Variants in GLRB observed in about 807,000 individuals in gnomAD.
The protein encoded by GLRB is glycine receptor subunit beta.
A neutral mutation model predicts 54.2 loss-of-function variants in GLRB; 33 were observed. The observed-to-expected ratio is 0.61, with a 90% CI of 0.46 to 0.81. The LOEUF (loss-of-function observed/expected upper bound fraction) is 0.81. GLRB is among the 40% of genes least tolerant of loss of function. The pLI, the probability that GLRB is intolerant of heterozygous loss-of-function variation, is 0.00. For synonymous variants in GLRB, 209 were observed against 208.2 expected (o/e 1.00, Z -0.03); for missense variants, 572 against 584.6 (o/e 0.98, Z 0.22).
chr4:157,159,308 T>C (rs897644342), intron 9 of GLRB, among the ~76,000 whole-genome samples: 1 of 152,156 alleles, frequency 6.6e-6, no homozygotes, highest in Admixed American at 6.5e-5. Flanking sequence ...CTTTTCCTAA[T>C]TGAATACCTT....
intron 2 of GLRB, among the ~76,000 whole-genome samples, chr4:157,118,181 T>C (rs1394777610): frequency 6.6e-6 from 1 of 151,690 alleles, no homozygotes; most frequent in East Asian, 1.9e-4. Flanking sequence ...GTTAATTGTC[T>C]TCATGTTGTC....
At position 157,136,623 on chromosome 4, in the gene GLRB, C is replaced by T; in HGVS notation, c.452C>T (p.Ala151Val). Residue 151 changes from alanine (A) to valine (V), a missense_variant, in exon 5 of 10, where the codon GCC (alanine) becomes GTC (valine). Ala to Val is a moderately conservative substitution (Grantham distance 64, BLOSUM62 0). Transcript: ENST00000264428. ...TTATTTTTTGCAAATGAAAAAAGTG[C>T]CAATTTTCATGATGTGACCCAGGAA... ...PDLFFANEKS[A>V]NFHDVTQENI... 6.2e-7 allele frequency: 1 copy of T among 1,612,780 alleles called. No homozygotes were observed. The highest frequency in any genetic ancestry group is 2.2e-5 in the East Asian group (1 of 44,824).
intron 9 of GLRB, among the ~76,000 whole-genome samples, chr4:157,160,422 G>A (rs1737434061): frequency 6.6e-6 from 1 of 152,050 alleles, no homozygotes; most frequent in Non-Finnish European, 1.5e-5. Flanking sequence ...TAACTGTGAT[G>A]TTAGGGTGTC....
chr4:157,077,558 A>G (rs1041541609), intron 1 of GLRB, among the ~76,000 whole-genome samples: 3 of 152,104 alleles, frequency 2.0e-5, no homozygotes, highest in African/African-American at 7.2e-5. Flanking sequence ...TTCAAACAAT[A>G]TAAAAATTTA....
intron 2 of GLRB, among the ~76,000 whole-genome samples, chr4:157,091,932 A>G (rs557106285): frequency 5.9e-5 from 9 of 152,268 alleles, no homozygotes; most frequent in African/African-American, 1.9e-4. Flanking sequence ...CAACTACTCT[A>G]TGAACTCCCT....
chr4:157,120,738 T>A, intron 3 of GLRB, 76 bp downstream of exon 3: 1 of 727,424 alleles, frequency 1.4e-6, no homozygotes, highest in Admixed American at 2.0e-5. Flanking sequence ...TTGTGATATT[T>A]TATATGTATA....
intron 2 of GLRB, among the ~76,000 whole-genome samples, chr4:157,112,090 C>T (rs78730224): frequency 6.6e-6 from 1 of 150,628 alleles, no homozygotes; most frequent in Non-Finnish European, 1.5e-5. Flanking sequence ...TTTTTTTTAA[C>T]CATAAACTCT....
At chr4:157,161,904 T>G (rs548297669) in intron 9 of GLRB, among the ~76,000 whole-genome samples, 10 of 152,358 alleles carry the variant, frequency 6.6e-5, no homozygotes, top group African/African-American at 2.4e-4. Context: ...GAAGTTCTCC[T>G]GGATAATATC....
chr4:157,147,498 C>T (rs1251137304), intron 8 of GLRB, among the ~76,000 whole-genome samples: 4 of 151,966 alleles, frequency 2.6e-5, no homozygotes, highest in Non-Finnish European at 5.9e-5. Context: ...GTATACATAA[C>T]TCATTGGAGG....
intron 2 of GLRB, among the ~76,000 whole-genome samples, chr4:157,111,513 G>A (rs765402334): frequency 3.2e-4 from 49 of 151,942 alleles, no homozygotes; most frequent in Non-Finnish European, 6.8e-4. Flanking sequence ...GCTGTGCTGG[G>A]GTTTTAGGGG....
intron 6 of GLRB, among the ~76,000 whole-genome samples, chr4:157,137,847 G>A (rs913850596): frequency 6.6e-6 from 1 of 152,088 alleles, no homozygotes; most frequent in Non-Finnish European, 1.5e-5. Context: ...TCCCATTACT[G>A]GATGCACTAA....
At chr4:157,091,710 C>A (rs940231773) in intron 2 of GLRB, among the ~76,000 whole-genome samples, 4 of 152,150 alleles carry the variant, frequency 2.6e-5, no homozygotes, top group African/African-American at 9.7e-5. Context: ...TCACTTACTT[C>A]GTTGCTTGTG....
intron 2 of GLRB, 112 bp from the exon 3 acceptor site, chr4:157,120,444 A>T (rs2126530050): frequency 2.2e-6 from 1 of 449,626 alleles, no homozygotes; most frequent in Admixed American, 2.8e-5. Context: ...AAAAAGCCAT[A>T]CTATAGTTGT....
intron 2 of GLRB, among the ~76,000 whole-genome samples, chr4:157,116,270 C>T (rs1427049428): frequency 6.6e-6 from 1 of 151,738 alleles, no homozygotes; most frequent in African/African-American, 2.4e-5. Flanking sequence ...ATATAAAACT[C>T]TATTTTCTCT....
At chr4:157,142,909 A>G (rs1736670337) in intron 7 of GLRB, among the ~76,000 whole-genome samples, 1 of 152,206 alleles carries the variant, frequency 6.6e-6, no homozygotes, top group Non-Finnish European at 1.5e-5. Flanking sequence ...TTAACTGAAA[A>G]GAGCAAACAT....
chr4:157,140,220 A>G (rs1736557067), intron 7 of GLRB, among the ~76,000 whole-genome samples: 2 of 151,974 alleles, frequency 1.3e-5, no homozygotes, highest in Admixed American at 1.3e-4. Context: ...AAATTTGACC[A>G]TCAAAGTATT....
chr4:157,150,072 C>T (rs1390218473), intron 8 of GLRB, among the ~76,000 whole-genome samples: 1 of 151,976 alleles, frequency 6.6e-6, no homozygotes, highest in Non-Finnish European at 1.5e-5. Flanking sequence ...TTATACAATT[C>T]TGTCTCCATG....
In GLRB at chr4:157,122,132, C is replaced by T. The variant is rs548752007; in HGVS notation, c.230-198C>T. Among the ~76,000 whole-genome samples the T allele has an allele frequency of 0.064, 9,526 of 149,602 alleles. 776 individuals are homozygous for T. Among genetic ancestry groups the T allele is most frequent in the African/African-American group, 0.2 (8,072 of 40,926 alleles). ...TTATAAAATATAATCGAACTCATTGCTTTATTTGTATTATGATTCCTATTT... is the reference window on the plus strand; with the variant it reads ...TTATAAAATATAATCGAACTCATTGTTTTATTTGTATTATGATTCCTATTT... On this transcript the variant is annotated intron_variant, in intron 3 of 9. Coordinates refer to ENST00000264428, the MANE Select transcript of GLRB (RefSeq NM_000824.5).
At chr4:157,153,103 G>A in intron 9 of GLRB, 93 bp downstream of exon 9, 1 of 1,118,108 alleles carries the variant, frequency 8.9e-7, no homozygotes, top group Non-Finnish European at 1.3e-6. Context: ...AGTTTTGATG[G>A]AATTGGCATT....
Sources: allele counts gnomAD v4.1 joint callset (sites outside exome capture counted in the v4.1 genomes callset), GRCh38; gene constraint gnomAD v4.1.1; transcripts MANE v1.5; gene names NCBI Gene and HGNC (gene_info 2026-07-23, HGNC 2026-07-21).